Variants in CYLC2 observed in about 807,000 individuals in gnomAD.
The protein encoded by CYLC2 is cylicin-2.
In CYLC2, 30 loss-of-function variants were observed where a neutral mutation model predicts 26.1. That is an observed-to-expected ratio of 1.15 (90% CI 0.86 to 1.56). CYLC2 has a LOEUF of 1.56. Among genes scored for constraint, CYLC2 ranks in the 40% most tolerant of loss-of-function variants. The probability of loss-of-function intolerance (pLI) is 0.00; values close to 1 mark genes in which losing one functional copy is unlikely to be tolerated. For synonymous variants in CYLC2, 158 were observed against 132.8 expected (o/e 1.19, Z -1.31); for missense variants, 498 against 394.4 (o/e 1.26, Z -2.23).
intron 7 of CYLC2, among the ~76,000 whole-genome samples, 156 bp downstream of exon 7, chr9:103,017,117 G>A (rs976203968): frequency 2.0e-5 from 3 of 151,282 alleles, no homozygotes; most frequent in African/African-American, 7.3e-5. Context: ...GCTTTGCTTT[G>A]ATGATACTTA....
chr9:102,996,023 T>C (rs1277118413), intron 1 of CYLC2, among the ~76,000 whole-genome samples: 2 of 152,068 alleles, frequency 1.3e-5, no homozygotes, highest in African/African-American at 4.8e-5. Flanking sequence ...GTTTCAATTC[T>C]GTAAACCCTT....
intron 6 of CYLC2, among the ~76,000 whole-genome samples, chr9:103,013,052 T>C (rs1829424916): frequency 6.8e-6 from 1 of 145,986 alleles, no homozygotes; most frequent in South Asian, 2.1e-4. Context: ...AAAAATGCAC[T>C]TAAAAACTAA....
rs575466011 is a variant in CYLC2, at chr9:102,995,942, G to A, written c.17+545G>A. ...AATGTAAAGCATATAATCCAGACAT[G>A]AGAAGTTATATGACAGTAGTTTACT... On this transcript the variant is annotated intron_variant, in intron 1 of 7. Transcript: ENST00000374798. Among the ~76,000 whole-genome samples the A allele has an allele frequency of 1.5e-4, 23 of 151,932 alleles. No individual in the cohort carries two copies. The South Asian group carries it at 4.8e-3, about 31-fold the overall frequency.
At position 103,013,378 on chromosome 9, in the gene CYLC2, T is replaced by C. The variant is rs1324734987; in HGVS notation, c.*816+1281T>C. Among the ~76,000 whole-genome samples, 245 of 108,772 alleles carry C rather than the reference T, an allele frequency of 2.3e-3. 3 individuals are homozygous for C. Among genetic ancestry groups the C allele is most frequent in the African/African-American group, 8.7e-3 (228 of 26,288 alleles). 71.4% of individuals were successfully genotyped at this position (108,772 alleles called of 152,430 possible). On this transcript the variant is annotated intron_variant, in intron 6 of 7. Transcript: ENST00000374798. ...ATTATATAAATATATATTTAATATA[T>C]TATATAAATATATATTATATAAATA...
chr9:103,012,755 G>A (rs1464821624), intron 6 of CYLC2, among the ~76,000 whole-genome samples: 2 of 151,694 alleles, frequency 1.3e-5, no homozygotes, highest in African/African-American at 2.4e-5. Context: ...CAATTTTATA[G>A]TTATTAATAA....
At chr9:103,000,513 A>G (rs1241318394) in intron 1 of CYLC2, among the ~76,000 whole-genome samples, 1 of 152,052 alleles carries the variant, frequency 6.6e-6, no homozygotes, top group Non-Finnish European at 1.5e-5. Flanking sequence ...AGATTCAGAT[A>G]TGATGGGGCA....
chr9:103,010,012 C>T (rs1587853881), intron 5 of CYLC2, among the ~76,000 whole-genome samples: 1 of 150,408 alleles, frequency 6.6e-6, no homozygotes, highest in Admixed American at 6.6e-5. Context: ...TATATATATA[C>T]ATGTCAATAT....
Position 103,004,739 on chromosome 9 carries a change from A to G in CYLC2, c.225A>G (p.Leu75=). 2 of 1,607,172 alleles carry G rather than the reference A, an allele frequency of 1.2e-6. No homozygotes were observed. The highest frequency in any genetic ancestry group is 8.5e-7 in the Non-Finnish European group (1 of 1,177,294). ...TAAGAGGAGATCGTAGACAACCATT[A>G]TGGATGTACCGTTCTTTAATGAGAA... ...EQLRGDRRQP[L]WMYRSLMRIS... Residue 75 remains leucine (L), a synonymous_variant, in exon 4 of 8, where the codon TTA becomes TTG. Transcript: ENST00000374798.
chr9:103,001,468 G>A lies in CYLC2; in HGVS notation c.18-110G>A, dbSNP rs10990418. The A allele has an allele frequency of 0.013, 8,522 of 669,426 alleles. 394 individuals are homozygous for A. The East Asian group carries it at 0.13, about 11-fold the overall frequency. 41.5% of individuals were successfully genotyped at this position (669,426 alleles called of 1,614,324 possible). The stretch of plus-strand genomic sequence containing the variant: ...TATATAACAAAAGATATCTGAGATT[G>A]TGAAATATTTCTCTAGTTGTTGGTT... On this transcript the variant is annotated intron_variant, in intron 1 of 7. Transcript: ENST00000374798.
At chr9:103,008,298 T>A (rs1007733502) in intron 5 of CYLC2, among the ~76,000 whole-genome samples, 1 of 152,168 alleles carries the variant, frequency 6.6e-6, no homozygotes, top group African/African-American at 2.4e-5. Context: ...TTCTTGTAGT[T>A]AAATTTAATA....
Position 103,005,879 on chromosome 9 carries a change from A to AG in CYLC2, c.*207dup, listed in dbSNP as rs201867340. The AG allele has an allele frequency of 3.9e-5, 22 of 561,930 alleles. No homozygotes were observed. Among genetic ancestry groups the AG allele is most frequent in the South Asian group, 3.3e-4 (9 of 27,684 alleles). The allele number at this position is 561,930 out of a possible 1,614,324, so 34.8% of individuals were successfully genotyped here. On this transcript the variant is annotated 3_prime_UTR_variant, in exon 5 of 8. Coordinates refer to ENST00000374798, the MANE Select transcript of CYLC2 (RefSeq NM_001340.5). The stretch of plus-strand genomic sequence containing the variant: ...ATAAGAAAGATGTTAAGAAAAATTA[A>AG]GGGGGGATCCATTGAAAGACTTGAA...
At chr9:103,012,153 G>A (rs1000286313) in intron 6 of CYLC2, 56 bp downstream of exon 6, 3 of 151,502 alleles carry the variant, frequency 2.0e-5, no homozygotes, top group Non-Finnish European at 2.9e-5. Flanking sequence ...TAGAGATGTG[G>A]TTTCACCATG....
chr9:103,008,730 G>C (rs1449830798), intron 5 of CYLC2, among the ~76,000 whole-genome samples: 2 of 152,046 alleles, frequency 1.3e-5, no homozygotes, highest in Non-Finnish European at 2.9e-5. Flanking sequence ...ACTCGAGTTG[G>C]TATAATTCAT....
At chr9:103,015,117 GTATATCAC>G in intron 6 of CYLC2, among the ~76,000 whole-genome samples, 1 of 24,288 alleles carries the variant, frequency 4.1e-5, no homozygotes, top group Non-Finnish European at 7.5e-5. Context: ...TACATAACAT[GTATATCAC>G]GTGATATACA....
At chr9:103,013,639 T>C (rs1423997234) in intron 6 of CYLC2, among the ~76,000 whole-genome samples, 1 of 112,548 alleles carries the variant, frequency 8.9e-6, no homozygotes, top group Non-Finnish European at 1.6e-5. Context: ...TAGATATATA[T>C]TTATATAAAA....
At chr9:103,008,282 T>C (rs1473024632) in intron 5 of CYLC2, among the ~76,000 whole-genome samples, 6 of 152,136 alleles carry the variant, frequency 3.9e-5, no homozygotes, top group Admixed American at 1.3e-4. Context: ...GCGCCATCAC[T>C]AAATTTTCTT....
chr9:103,002,844 T>C (rs559523757), intron 2 of CYLC2, among the ~76,000 whole-genome samples: 5 of 152,236 alleles, frequency 3.3e-5, no homozygotes, highest in African/African-American at 1.2e-4. Flanking sequence ...AAACCTAGAC[T>C]GGAAGAGATA....
At chr9:103,004,339 CTAGAAA>C (rs1286290971) in intron 3 of CYLC2, among the ~76,000 whole-genome samples, 3 of 151,862 alleles carry the variant, frequency 2.0e-5, no homozygotes, top group African/African-American at 7.3e-5. Context: ...TCTGATTTAC[CTAGAAA>C]TAGAAGGTGA....
intron 6 of CYLC2, among the ~76,000 whole-genome samples, chr9:103,013,573 T>G (rs1367740185): frequency 8.9e-6 from 1 of 112,674 alleles, no homozygotes; most frequent in Non-Finnish European, 1.6e-5. Flanking sequence ...ATATCTTACA[T>G]ATGTATTTAC....
Sources: gnomAD v4.1 joint callset for allele counts (sites outside exome capture counted in the v4.1 genomes callset) on GRCh38, gnomAD v4.1.1 for gene constraint, MANE v1.5 for transcripts, NCBI Gene and HGNC (gene_info 2026-07-23, HGNC 2026-07-21) for gene names.